Variants in XIAP observed in about 807,000 individuals in gnomAD.
XIAP encodes E3 ubiquitin-protein ligase XIAP.
A neutral mutation model predicts 33.1 loss-of-function variants in XIAP; 3 were observed. The ratio of observed to expected loss-of-function variants is 0.09; its 90% CI spans 0.04 to 0.23. The LOEUF (loss-of-function observed/expected upper bound fraction) is 0.23. Ranked by LOEUF, XIAP falls within the 10% of genes least tolerant of loss-of-function variation. The probability of loss-of-function intolerance (pLI) is 1.00; values close to 1 mark genes in which losing one functional copy is unlikely to be tolerated. For synonymous variants in XIAP, 98 were observed against 121.3 expected, an observed-to-expected ratio of 0.81 and a Z score of 1.26; for missense variants, 264 against 363.0, an observed-to-expected ratio of 0.73 and a Z score of 2.22.
intron 1 of XIAP, among the ~76,000 whole-genome samples, chrX:123,862,628 A>G (rs1474066759): frequency 9.3e-6 from 1 of 107,694 alleles, no homozygotes; most frequent in Admixed American, 1.0e-4. Flanking sequence ...TGGGACGCCA[A>G]GGCGGGCAGA....
Position 123,909,653 on chromosome X carries a change from G to A in XIAP, c.*2472G>A, listed in dbSNP as rs774933620. On this transcript the variant is annotated 3_prime_UTR_variant, in exon 7 of 7. Coordinates refer to ENST00000371199, the MANE Select transcript of XIAP (RefSeq NM_001167.4). ...TAAGGCTTTTCCTGTTCTGGGAGCCGCACTTCATTAAAATTCTTCTAAAAC... is the reference window on the plus strand; with the variant it reads ...TAAGGCTTTTCCTGTTCTGGGAGCCACACTTCATTAAAATTCTTCTAAAAC... 3.4e-5 allele frequency: 11 copies of A among 327,623 alleles called. No homozygotes were observed. The highest frequency in any genetic ancestry group is 2.4e-4 in the African/African-American group (9 of 37,509). 27.0% of individuals were successfully genotyped at this position (327,623 alleles called of 1,213,427 possible).
At chrX:123,870,179 C>A (rs774333536) in intron 1 of XIAP, among the ~76,000 whole-genome samples, 83 of 112,703 alleles carry the variant, frequency 7.4e-4, no homozygotes, top group African/African-American at 2.5e-3. Flanking sequence ...CGAGGCTGGT[C>A]TCGAACTCCT....
chrX:123,865,465 C>T (rs762841212), intron 1 of XIAP, among the ~76,000 whole-genome samples: 71 of 110,196 alleles, frequency 6.4e-4, no homozygotes, highest in Non-Finnish European at 1.1e-3. Context: ...TGGTGGCTCA[C>T]GCCTGTAATC....
rs758007374 is a variant in XIAP at position 123,910,332 on chromosome X, A to T, written c.*3151A>T. On this transcript the variant is annotated 3_prime_UTR_variant, in exon 7 of 7. Transcript: ENST00000371199. ...GCCCTGTGTATTATGATATTTTGTT[A>T]TTTTTGTTGTTATATTATTTACATT... 1 of 326,472 alleles carries T rather than the reference A, an allele frequency of 3.1e-6. No homozygotes were observed. Among genetic ancestry groups the T allele is most frequent in the African/African-American group, 2.7e-5 (1 of 37,187 alleles). The allele number at this position is 326,472 out of a possible 1,213,427, so 26.9% of individuals were successfully genotyped here. A position where few individuals can be genotyped will look rare whatever the true frequency, so the allele number is the denominator to read the frequency against.
In XIAP at chrX:123,911,003, G is replaced by T. The variant is rs925375814; in HGVS notation, c.*3822G>T. 6.1e-6 allele frequency: 2 copies of T among 329,070 alleles called. No homozygotes were observed. Among genetic ancestry groups the T allele is most frequent in the Non-Finnish European group, 1.2e-5 (2 of 169,936 alleles). The allele number at this position is 329,070 out of a possible 1,213,427, so 27.1% of individuals were successfully genotyped here. ...AAAATAATACTTATCTTACAAGGTT[G>T]CAAGAGCTCAAGGAGACCATGTATG... On this transcript the variant is annotated 3_prime_UTR_variant, in exon 7 of 7. Transcript: ENST00000371199.
In XIAP at chrX:123,907,916, A is replaced by G. The variant is rs1184376001; in HGVS notation, c.*735A>G. ...AATATGCATAGAACAAAAGATTTGG[A>G]AAGATATACACCAAACTGTTAAATG... On this transcript the variant is annotated 3_prime_UTR_variant, in exon 7 of 7. Transcript: ENST00000371199. 1.1e-5 allele frequency: 4 copies of G among 367,204 alleles called. No individual in the cohort carries two copies. Among genetic ancestry groups the G allele is most frequent in the African/African-American group, 1.1e-4 (4 of 37,437 alleles). 30.3% of individuals were successfully genotyped at this position (367,204 alleles called of 1,213,427 possible).
intron 1 of XIAP, among the ~76,000 whole-genome samples, chrX:123,871,426 CAG>C (rs1426380504): frequency 1.8e-5 from 2 of 112,294 alleles, no homozygotes; most frequent in Non-Finnish European, 3.8e-5. Flanking sequence ...GACAAAGTAT[CAG>C]AGTACAGTAA....
At chrX:123,884,665 C>G (rs928663827) in intron 1 of XIAP, among the ~76,000 whole-genome samples, 1 of 110,755 alleles carries the variant, frequency 9.0e-6, no homozygotes, top group African/African-American at 3.3e-5. Flanking sequence ...CTGGGGCAAC[C>G]CTGATTTATG....
rs2053616223 is a variant in XIAP at position 123,912,736 on chromosome X, G to A, written c.*5555G>A. 2 of 325,014 alleles carry A rather than the reference G, an allele frequency of 6.2e-6. No homozygotes were observed. The highest frequency in any genetic ancestry group is 1.2e-5 in the Non-Finnish European group (2 of 169,142). 26.8% of individuals were successfully genotyped at this position (325,014 alleles called of 1,213,427 possible). A position where few individuals can be genotyped will look rare whatever the true frequency, so the allele number is the denominator to read the frequency against. ...GTCTCACTGTGTTGCCCAGGATGGA[G>A]TGCAATGGCACAATCTTGGCTCATG... is the stretch of plus-strand genomic sequence containing the variant. On this transcript the variant is annotated 3_prime_UTR_variant, in exon 7 of 7. Coordinates refer to ENST00000371199, the MANE Select transcript of XIAP (RefSeq NM_001167.4).
At chrX:123,889,943 A>C (rs1387789226) in intron 3 of XIAP, among the ~76,000 whole-genome samples, 1 of 103,845 alleles carries the variant, frequency 9.6e-6, no homozygotes, top group East Asian at 3.1e-4. Flanking sequence ...AAGCCATCAT[A>C]CCCCTAGGAA....
Position 123,885,658 on chromosome X carries a change from A to G in XIAP, c.-5A>G. 1 of 1,209,699 alleles carries G rather than the reference A, an allele frequency of 8.3e-7. No homozygotes were observed. The highest frequency in any genetic ancestry group is 1.8e-5 in the South Asian group (1 of 56,547). Reference sequence around the variant, plus strand: ...AAGGTGGACAAGTCCTATTTTCAAGAGAAGATGACTTTTAACAGTTTTGAA... The same window carrying G: ...AAGGTGGACAAGTCCTATTTTCAAGGGAAGATGACTTTTAACAGTTTTGAA... On this transcript the variant is annotated 5_prime_UTR_variant, in exon 2 of 7. Coordinates refer to ENST00000371199, the MANE Select transcript of XIAP (RefSeq NM_001167.4).
intron 1 of XIAP, among the ~76,000 whole-genome samples, chrX:123,880,564 C>G (rs1423308146): frequency 3.7e-5 from 4 of 108,194 alleles, no homozygotes; most frequent in African/African-American, 1.3e-4. Context: ...TGTTGAAACC[C>G]CATCTCTTCT....
At chrX:123,870,211 C>T (rs1354198012) in intron 1 of XIAP, among the ~76,000 whole-genome samples, 1 of 112,883 alleles carries the variant, frequency 8.9e-6, no homozygotes, top group Non-Finnish European at 1.9e-5. Flanking sequence ...GTCTGCCCAC[C>T]TCAACCTCCC....
intron 6 of XIAP, among the ~76,000 whole-genome samples, chrX:123,905,838 A>G (rs978229096): frequency 8.9e-6 from 1 of 112,362 alleles, no homozygotes; most frequent in African/African-American, 3.2e-5. Flanking sequence ...ACTGTCCTAT[A>G]TTGTACTGTA....
At chrX:123,898,053 A>G (rs7878541) in intron 5 of XIAP, among the ~76,000 whole-genome samples, 21,432 of 111,420 alleles carry the variant, frequency 0.19, 1,475 homozygotes, top group South Asian at 0.38. Context: ...AAAACCACTC[A>G]GACTGAATCT....
At chrX:123,884,405 A>C (rs1387339505) in intron 1 of XIAP, among the ~76,000 whole-genome samples, 1 of 108,709 alleles carries the variant, frequency 9.2e-6, no homozygotes, top group Non-Finnish European at 1.9e-5. Flanking sequence ...AATTGCTTGA[A>C]CCTGGGAGGC....
At chrX:123,861,328 A>G (rs1469179817) in intron 1 of XIAP, among the ~76,000 whole-genome samples, 1 of 111,948 alleles carries the variant, frequency 8.9e-6, no homozygotes, top group Non-Finnish European at 1.9e-5. Context: ...ATTCAATTCA[A>G]CACACATTTC....
At chrX:123,906,461 T>C (rs777120206) in intron 6 of XIAP, among the ~76,000 whole-genome samples, 20 of 112,307 alleles carry the variant, frequency 1.8e-4, no homozygotes, top group Non-Finnish European at 3.4e-4. Context: ...TTAGTTTGTC[T>C]TTCTTCTTCA....
At chrX:123,861,056 CT>C (rs756533032) in intron 1 of XIAP, among the ~76,000 whole-genome samples, 9 of 111,389 alleles carry the variant, frequency 8.1e-5, no homozygotes, top group Admixed American at 3.9e-4. Context: ...CTTTCTTATT[CT>C]TTTTTTTCCC....
Sources: allele counts gnomAD v4.1 joint callset (sites outside exome capture counted in the v4.1 genomes callset), GRCh38; gene constraint gnomAD v4.1.1; transcripts MANE v1.5; gene names NCBI Gene and HGNC (gene_info 2026-07-23, HGNC 2026-07-21).